The following CSF1R variants were observed in gnomAD, a reference collection of about 807,000 sequenced individuals.
CSF1R encodes the protein macrophage colony-stimulating factor 1 receptor.
A neutral mutation model predicts 110.0 loss-of-function variants in CSF1R; 40 were observed. The ratio of observed to expected loss-of-function variants is 0.36; its 90% CI spans 0.28 to 0.47. The LOEUF is 0.47. Among genes scored for constraint, CSF1R ranks in the 20% least tolerant of loss-of-function variants. The pLI is 0.99. For synonymous variants in CSF1R, 523 were observed against 503.4 expected (o/e 1.04, Z -0.52); for missense variants, 1,052 against 1,253.0 (o/e 0.84, Z 2.42).
At position 150,054,993 on chromosome 5, in the gene CSF1R, C is replaced by CAA. The variant is rs11342950; in HGVS notation, c.2654+242_2654+243dup. On this transcript the variant is annotated intron_variant, in intron 19 of 20. Coordinates refer to ENST00000675795, the MANE Select transcript of CSF1R (RefSeq NM_001288705.3). The stretch of plus-strand genomic sequence containing the variant: ...CGGGCTACAGAGCAAGATGCTGTCT[C>CAA]AAAAAAAAAAAAAAAAAAAAAGGAA... Among the ~76,000 whole-genome samples the CAA allele has an allele frequency of 4.6e-3, 345 of 74,514 alleles. 6 individuals carry two copies. Among genetic ancestry groups the CAA allele is most frequent in the South Asian group, 0.038 (71 of 1,852 alleles). The allele number at this position is 74,514 out of a possible 152,430, so 48.9% of individuals were successfully genotyped here. A position where few individuals can be genotyped will look rare whatever the true frequency, so the allele number is the denominator to read the frequency against.
intron 18 of CSF1R, among the ~76,000 whole-genome samples, chr5:150,055,664 A>C (rs1225196907): frequency 6.6e-6 from 1 of 152,220 alleles, no homozygotes; most frequent in Non-Finnish European, 1.5e-5. Flanking sequence ...ACTGAGTACA[A>C]GTCCTTGTGC....
chr5:150,081,069 C>T (rs772052655), intron 1 of CSF1R, 45 bp from the exon 2 acceptor site: 88 of 1,603,764 alleles, frequency 5.5e-5, no homozygotes, highest in Non-Finnish European at 5.7e-5. Context: ...GTCTAGGATG[C>T]GCCCCTTGGG....
intron 1 of CSF1R, among the ~76,000 whole-genome samples, chr5:150,083,577 C>T (rs1337357967): frequency 6.6e-6 from 1 of 151,918 alleles, no homozygotes; most frequent in Non-Finnish European, 1.5e-5. Flanking sequence ...CCAGCCTCCC[C>T]ATCTCTTCTT....
chr5:150,060,551 CG>C (rs986629813), intron 13 of CSF1R, among the ~76,000 whole-genome samples: 5 of 151,532 alleles, frequency 3.3e-5, no homozygotes, highest in African/African-American at 1.2e-4. Flanking sequence ...AAGAGGTAGG[CG>C]GGGGGCTTCA....
intron 1 of CSF1R, among the ~76,000 whole-genome samples, chr5:150,101,553 AAGGCAATCAGC>A (rs1759404627): frequency 6.6e-6 from 1 of 152,166 alleles, no homozygotes; most frequent in Non-Finnish European, 1.5e-5. Flanking sequence ...ATGAACAGCA[AAGGCAATCAGC>A]AGGTCCACCA....
intron 1 of CSF1R, 63 bp downstream of exon 1, chr5:150,086,316 C>T: frequency 1.3e-6 from 2 of 1,518,316 alleles, no homozygotes; most frequent in South Asian, 1.2e-5. Flanking sequence ...GGACTGAATC[C>T]TTTCACAGGG....
chr5:150,100,242 TG>T (rs1161894657), intron 1 of CSF1R, among the ~76,000 whole-genome samples: 1 of 140,374 alleles, frequency 7.1e-6, no homozygotes, highest in African/African-American at 2.7e-5. Context: ...CCAGTGGGGA[TG>T]GGGGAGGGAA....
intron 6 of CSF1R, 32 bp downstream of exon 6, chr5:150,073,269 G>C (rs546610277): frequency 4.4e-6 from 7 of 1,588,816 alleles, no homozygotes; most frequent in Non-Finnish European, 6.0e-6. Flanking sequence ...TCTGGTTGTC[G>C]GGCTGTGTAG....
Position 150,069,834 on chromosome 5 carries a change from G to A in CSF1R, c.1510+39C>T, listed in dbSNP as rs1279294001. 16 of 1,138,628 alleles carry A rather than the reference G, an allele frequency of 1.4e-5. No individual in the cohort carries two copies. In the East Asian group the frequency reaches 2.6e-4, roughly 18 times the overall value. 70.5% of individuals were successfully genotyped at this position (1,138,628 alleles called of 1,614,324 possible). On this transcript the variant is annotated intron_variant, in intron 9 of 20. Coordinates refer to ENST00000675795, the MANE Select transcript of CSF1R (RefSeq NM_001288705.3). ...GCCTAAAGGAGCAGGGGCGGGGGGCGGGCGGGGGGGCGGTGCGGGTGCGAA... is the reference window on the plus strand; with the variant it reads ...GCCTAAAGGAGCAGGGGCGGGGGGCAGGCGGGGGGGCGGTGCGGGTGCGAA...
chr5:150,108,091 G>A (rs1235558903), intron 1 of CSF1R, among the ~76,000 whole-genome samples: 1 of 152,160 alleles, frequency 6.6e-6, no homozygotes, highest in Admixed American at 6.5e-5. Flanking sequence ...ACAGGGAGGA[G>A]GAAGGAATGT....
intron 14 of CSF1R, among the ~76,000 whole-genome samples, chr5:150,058,937 T>G (rs756673219): frequency 3.0e-4 from 46 of 152,270 alleles, no homozygotes; most frequent in Non-Finnish European, 2.1e-4. Flanking sequence ...GACTCATGTG[T>G]GACATGAATC....
At chr5:150,096,938 T>G (rs1325940868) in intron 1 of CSF1R, among the ~76,000 whole-genome samples, 1 of 152,194 alleles carries the variant, frequency 6.6e-6, no homozygotes, top group Non-Finnish European at 1.5e-5. Context: ...TTCAACAGTG[T>G]ACTGGAGATC....
chr5:150,088,631 TCAAGCTATTCTC>T (rs557129791), upstream of CSF1R, among the ~76,000 whole-genome samples: 602 of 152,272 alleles, frequency 4.0e-3, 5 homozygotes, highest in Admixed American at 6.5e-3. Context: ...CCTCCCGCGT[TCAAGCTATTCTC>T]GTGCCTCAAA....
chr5:150,073,764 A>G (rs1390464568), intron 5 of CSF1R, among the ~76,000 whole-genome samples: 2 of 152,204 alleles, frequency 1.3e-5, no homozygotes, highest in Non-Finnish European at 1.5e-5. Flanking sequence ...TGTAATGAAG[A>G]GATTGAATAT....
intron 1 of CSF1R, among the ~76,000 whole-genome samples, chr5:150,098,890 CTTTTTTTTTTT>C (rs34306632): frequency 7.8e-6 from 1 of 128,674 alleles, no homozygotes. Context: ...ATACAAACAA[CTTTTTTTTTTT>C]TTTTTTTTTG....
At chr5:150,089,375 G>T (rs1758961259), upstream of CSF1R, among the ~76,000 whole-genome samples, 1 of 152,152 alleles carries the variant, frequency 6.6e-6, no homozygotes, top group African/African-American at 2.4e-5. Context: ...CAGCAAACCT[G>T]CAGGATACAA....
chr5:150,084,391 G>GAAAGAAAGAAAGA (rs1194817821), intron 1 of CSF1R, among the ~76,000 whole-genome samples: 1 of 29,668 alleles, frequency 3.4e-5, no homozygotes, highest in African/African-American at 2.0e-4. Context: ...AAGAAAGAAA[G>GAAAGAAAGAAAGA]AAGGAAGGAA....
intron 10 of CSF1R, among the ~76,000 whole-genome samples, chr5:150,062,213 C>T (rs1757563802): frequency 8.6e-6 from 1 of 115,612 alleles, no homozygotes; most frequent in African/African-American, 3.1e-5. Flanking sequence ...GTCCATCCAT[C>T]TACCCATCCA....
intron 14 of CSF1R, among the ~76,000 whole-genome samples, chr5:150,058,967 G>A (rs1561909453): frequency 6.6e-6 from 1 of 152,056 alleles, no homozygotes; most frequent in Non-Finnish European, 1.5e-5. Context: ...CCTCTCTTTG[G>A]TTCCCCATGT....
Sources: allele counts gnomAD v4.1 joint callset (sites outside exome capture counted in the v4.1 genomes callset), GRCh38; gene constraint gnomAD v4.1.1; transcripts MANE v1.5; gene names NCBI Gene and HGNC (gene_info 2026-07-23, HGNC 2026-07-21).